The following CYP4F22 variants were observed in gnomAD, a reference collection of about 807,000 sequenced individuals.
The protein encoded by CYP4F22 is ultra-long-chain fatty acid omega-hydroxylase.
In CYP4F22, 37 loss-of-function variants were observed where a neutral mutation model predicts 60.4. That is an observed-to-expected ratio of 0.61 (90% CI 0.47 to 0.81). The LOEUF is 0.81. Among genes scored for constraint, CYP4F22 ranks in the 30% least tolerant of loss-of-function variants. The pLI is 0.00. For missense variants in CYP4F22, 655 were observed against 715.0 expected, an observed-to-expected ratio of 0.92 and a Z score of 0.96; for synonymous variants, 258 against 280.5, an observed-to-expected ratio of 0.92 and a Z score of 0.80.
chr19:15,515,519 G>A, intron 1 of CYP4F22: 1 of 639,744 alleles, frequency 1.6e-6, no homozygotes, highest in East Asian at 3.9e-5. Flanking sequence ...GAGGTCAGGA[G>A]TTCAAGACCA....
Position 15,544,011 on chromosome 19 carries a change from C to G in CYP4F22, c.980C>G (p.Ala327Gly). ...GAACTGTCAGACGAGGATATCCGAG[C>G]CGAAGCAGACACCTTCATGTTTGAG... is the stretch of plus-strand genomic sequence containing the variant. The part of the protein sequence containing the change: ...GKELSDEDIR[A>G]EADTFMFEGH... Residue 327 changes from alanine to glycine, a missense_variant, in exon 9 of 14, where the codon GCC becomes GGC. This residue lies in a region of CYP4F22 where 430 missense variants were observed against 457.1 expected (regional missense o/e 0.94). Coordinates refer to ENST00000269703, the MANE Select transcript of CYP4F22 (RefSeq NM_173483.4). 2 of 1,614,070 alleles carry G rather than the reference C, an allele frequency of 1.2e-6. No individual in the cohort carries two copies. The highest frequency in any genetic ancestry group is 1.7e-6 in the Non-Finnish European group (2 of 1,180,024).
At chr19:15,550,537 G>A in intron 12 of CYP4F22, 137 bp from the exon 13 acceptor site, 1 of 804,050 alleles carries the variant, frequency 1.2e-6, no homozygotes, top group Non-Finnish European at 2.1e-6. Context: ...ATTGCAGGAA[G>A]TGCAAGGTGG....
At chr19:15,513,521 C>T (rs960414493) in intron 1 of CYP4F22, among the ~76,000 whole-genome samples, 15 of 151,996 alleles carry the variant, frequency 9.9e-5, no homozygotes, top group African/African-American at 3.1e-4. Context: ...CCCGCCACCT[C>T]GCCCGGCTAA....
At chr19:15,513,660 A>G (rs1044921704) in intron 1 of CYP4F22, among the ~76,000 whole-genome samples, 3 of 151,758 alleles carry the variant, frequency 2.0e-5, no homozygotes, top group African/African-American at 7.3e-5. Flanking sequence ...CACCACGCCC[A>G]GCCTAATTTT....
chr19:15,548,274 C>G, intron 11 of CYP4F22, 33 bp downstream of exon 11: 1 of 1,613,258 alleles, frequency 6.2e-7, no homozygotes. Flanking sequence ...TGCTGGTGCA[C>G]TGCCTCCAAT....
chr19:15,535,090 T>C (rs1971381463), intron 4 of CYP4F22, among the ~76,000 whole-genome samples: 1 of 152,058 alleles, frequency 6.6e-6, no homozygotes, highest in African/African-American at 2.4e-5. Flanking sequence ...TATCTTGGAG[T>C]CCAGAGTGCA....
intron 1 of CYP4F22, chr19:15,516,603 G>T (rs1042138992): frequency 1.1e-5 from 3 of 283,732 alleles, no homozygotes; most frequent in Non-Finnish European, 2.1e-5. Context: ...ATTTTTACTT[G>T]CAGTACCGAG....
chr19:15,544,304 AG>A (rs769583972), intron 10 of CYP4F22, 25 bp downstream of exon 10: 4 of 1,609,320 alleles, frequency 2.5e-6, no homozygotes, highest in Non-Finnish European at 2.5e-6. Flanking sequence ...AGGGGAATGG[AG>A]GGGGCAGGTT....
Position 15,536,968 on chromosome 19 carries a change from G to A in CYP4F22, c.368-393G>A, listed in dbSNP as rs78521995. ...GTGGGAGGTTGGAGCCCAGTGAGGA[G>A]GACTAAGGAAGTCATAAGCAAAGGT... On this transcript the variant is annotated intron_variant, in intron 4 of 13. Coordinates refer to ENST00000269703, the MANE Select transcript of CYP4F22 (RefSeq NM_173483.4). Among the ~76,000 whole-genome samples, 75 of 152,248 alleles carry A rather than the reference G, an allele frequency of 4.9e-4. No homozygotes were observed. The East Asian group carries it at 0.013, about 27-fold the overall frequency.
chr19:15,549,314 T>A, intron 12 of CYP4F22, 112 bp downstream of exon 12: 1 of 1,028,474 alleles, frequency 9.7e-7, no homozygotes, highest in African/African-American at 1.6e-5. Context: ...CCCTCCCCAC[T>A]CCGCATTTAG....
intron 1 of CYP4F22, among the ~76,000 whole-genome samples, chr19:15,510,537 C>A (rs1005807957): frequency 1.1e-4 from 16 of 152,122 alleles, no homozygotes; most frequent in Non-Finnish European, 2.2e-4. Flanking sequence ...TTTATAGAAT[C>A]TTTTCTGAGG....
At position 15,509,918 on chromosome 19, in the gene CYP4F22, C is replaced by CT. The variant is rs1179794252; in HGVS notation, c.-109+1337dup. Among the ~76,000 whole-genome samples the CT allele has an allele frequency of 2.3e-4, 19 of 83,648 alleles. 1 individual carries two copies. Among genetic ancestry groups the CT allele is most frequent in the African/African-American group, 6.3e-4 (14 of 22,184 alleles). 54.9% of individuals were successfully genotyped at this position (83,648 alleles called of 152,430 possible). On this transcript the variant is annotated intron_variant, in intron 1 of 13. Coordinates refer to ENST00000269703, the MANE Select transcript of CYP4F22 (RefSeq NM_173483.4). ...CTTCCTTCCTTCCTTTCTTTCTTTC[C>CT]TTCCTTCTTTCTTTCTTTCTTTCTT...
intron 12 of CYP4F22, among the ~76,000 whole-genome samples, chr19:15,550,285 TAACA>T (rs372180595): frequency 0.012 from 1,849 of 151,610 alleles, 46 homozygotes; most frequent in African/African-American, 0.042. Context: ...ACTCTGACTC[TAACA>T]AACAAACAAA....
At chr19:15,547,664 A>T (rs1298569820) in intron 10 of CYP4F22, among the ~76,000 whole-genome samples, 1 of 151,922 alleles carries the variant, frequency 6.6e-6, no homozygotes, top group Non-Finnish European at 1.5e-5. Flanking sequence ...CTCTACTAAA[A>T]ATACAAAAAT....
chr19:15,532,388 C>T (rs572726982), intron 4 of CYP4F22, among the ~76,000 whole-genome samples: 38 of 149,734 alleles, frequency 2.5e-4, no homozygotes, highest in African/African-American at 7.8e-4. Context: ...TCTTCCTCTT[C>T]TTTTTAGACA....
chr19:15,510,939 G>A (rs1271581929), intron 1 of CYP4F22, among the ~76,000 whole-genome samples: 5 of 135,238 alleles, frequency 3.7e-5, no homozygotes, highest in African/African-American at 1.2e-4. Flanking sequence ...GGGAATATAG[G>A]GATACCATAT....
intron 1 of CYP4F22, among the ~76,000 whole-genome samples, chr19:15,520,651 G>A (rs890511064): frequency 1.6e-4 from 24 of 151,902 alleles, no homozygotes; most frequent in Non-Finnish European, 3.2e-4. Flanking sequence ...GCAGTGGCAC[G>A]ATCTCGGCTC....
At chr19:15,550,567 G>C (rs1971582773) in intron 12 of CYP4F22, 107 bp from the exon 13 acceptor site, 4 of 1,084,720 alleles carry the variant, frequency 3.7e-6, no homozygotes, top group Non-Finnish European at 5.7e-6. Flanking sequence ...GGTGGCCCTG[G>C]GGTGCTCCCC....
At chr19:15,520,787 G>C in intron 1 of CYP4F22, among the ~76,000 whole-genome samples, 1 of 104,772 alleles carries the variant, frequency 9.5e-6, no homozygotes, top group Non-Finnish European at 1.9e-5. Context: ...TTTTTTTTTT[G>C]AGACAGAGTC....
Sources: gnomAD v4.1 joint callset for allele counts (sites outside exome capture counted in the v4.1 genomes callset) on GRCh38, gnomAD v4.1.1 for gene constraint, gnomAD v4.1.1 regional missense constraint, MANE v1.5 for transcripts, NCBI Gene and HGNC (gene_info 2026-07-23, HGNC 2026-07-21) for gene names.